The following ACKR2 variants were observed in gnomAD, a reference collection of about 807,000 sequenced individuals.
The protein encoded by ACKR2 is atypical chemokine receptor 2, also known as C-C chemokine receptor D6.
For synonymous variants in ACKR2, 207 were observed against 192.2 expected, an observed-to-expected ratio of 1.08 and a Z score of -0.64; for missense variants, 457 against 477.3, an observed-to-expected ratio of 0.96 and a Z score of 0.40.
chr3:42,865,485 C>T lies in ACKR2; in HGVS notation c.983C>T (p.Ala328Val). Residue 328 changes from alanine to valine, a missense_variant, in exon 3 of 3, where the codon GCT becomes GTT. Physicochemically the swap from Ala to Val is moderately conservative, Grantham distance 64 (BLOSUM62 0). Transcript: ENST00000422265. ...CGCCAGTACCTGAAGGCTTTCCTGG[C>T]TGCCGTGCTTGGATGGCACCTGGCA... ...RFRQYLKAFLAAVLGWHLAPG... is the reference protein window; with the variant it reads ...RFRQYLKAFLVAVLGWHLAPG... 1 of 1,614,196 alleles carries T rather than the reference C, an allele frequency of 6.2e-7. No homozygotes were observed. The highest frequency in any genetic ancestry group is 8.5e-7 in the Non-Finnish European group (1 of 1,180,040).
chr3:42,811,861 T>A (rs1365661666), intron 1 of ACKR2, among the ~76,000 whole-genome samples: 1 of 152,190 alleles, frequency 6.6e-6, no homozygotes, highest in Non-Finnish European at 1.5e-5. Context: ...AAATCTGGCC[T>A]ACGTGCACAT....
intron 1 of ACKR2, among the ~76,000 whole-genome samples, chr3:42,810,847 T>A (rs188703985): frequency 6.6e-6 from 1 of 152,340 alleles, no homozygotes; most frequent in East Asian, 1.9e-4. Flanking sequence ...GGGTGATTCC[T>A]AACACCGACT....
chr3:42,843,316 C>A (rs569610078), intron 2 of ACKR2, among the ~76,000 whole-genome samples: 41 of 152,142 alleles, frequency 2.7e-4, no homozygotes, highest in African/African-American at 8.9e-4. Context: ...AGTGATCTGC[C>A]CCCCCAGCCT....
chr3:42,828,174 A>G lies in ACKR2; in HGVS notation c.-38+8463A>G, dbSNP rs1308868811. ...ACCCAGGCTGGAGTGCAGTGGTGCA[A>G]TCTCTGCTCACTGCAATCTCTGCCT... On this transcript the variant is annotated intron_variant, in intron 2 of 2. Transcript: ENST00000422265. 2.7e-5 allele frequency among the ~76,000 whole-genome samples: 4 copies of G among 149,330 alleles called. No individual in the cohort carries two copies. In the East Asian group the frequency reaches 5.9e-4, roughly 22 times the overall value.
At chr3:42,832,852 C>T (rs1277349131) in intron 2 of ACKR2, among the ~76,000 whole-genome samples, 2 of 152,076 alleles carry the variant, frequency 1.3e-5, no homozygotes, top group Non-Finnish European at 2.9e-5. Flanking sequence ...TGCCACCACA[C>T]CTGGCTAATT....
intron 2 of ACKR2, among the ~76,000 whole-genome samples, chr3:42,829,657 A>T (rs141483167): frequency 2.0e-5 from 3 of 152,276 alleles, no homozygotes; most frequent in African/African-American, 7.2e-5. Flanking sequence ...TGGCCTAAAG[A>T]GGATTGGGGC....
At chr3:42,838,447 G>A (rs1262982824) in intron 2 of ACKR2, among the ~76,000 whole-genome samples, 2 of 152,132 alleles carry the variant, frequency 1.3e-5, no homozygotes, top group Admixed American at 6.6e-5. Flanking sequence ...ATGAAAATAC[G>A]TTCAATGTCA....
intron 2 of ACKR2, among the ~76,000 whole-genome samples, chr3:42,853,880 T>C (rs899857704): frequency 6.6e-6 from 1 of 152,236 alleles, no homozygotes; most frequent in African/African-American, 2.4e-5. Flanking sequence ...AACGGTGTCC[T>C]TGGCTTCATA....
intron 1 of ACKR2, among the ~76,000 whole-genome samples, chr3:42,819,105 A>G (rs1426135386): frequency 6.6e-6 from 1 of 152,112 alleles, no homozygotes; most frequent in African/African-American, 2.4e-5. Flanking sequence ...GAGATTAACA[A>G]CACAACCATC....
At chr3:42,844,750 A>T (rs1251433254) in intron 2 of ACKR2, among the ~76,000 whole-genome samples, 3 of 152,206 alleles carry the variant, frequency 2.0e-5, no homozygotes, top group Admixed American at 2.0e-4. Flanking sequence ...GCTATTTTCT[A>T]TTTTGAGACC....
intron 1 of ACKR2, among the ~76,000 whole-genome samples, chr3:42,813,746 G>T (rs988110578): frequency 3.9e-5 from 6 of 152,132 alleles, no homozygotes; most frequent in African/African-American, 1.4e-4. Flanking sequence ...ATTATTTTCT[G>T]CATCATGTGC....
intron 2 of ACKR2, among the ~76,000 whole-genome samples, chr3:42,845,661 T>C (rs2125615787): frequency 6.6e-6 from 1 of 152,074 alleles, no homozygotes; most frequent in East Asian, 1.9e-4. Context: ...CCTTAACCCC[T>C]AGGGAAACCC....
intron 2 of ACKR2, among the ~76,000 whole-genome samples, chr3:42,859,648 T>C (rs1480489642): frequency 5.9e-5 from 9 of 152,172 alleles, no homozygotes; most frequent in Non-Finnish European, 1.2e-4. Context: ...CCCAAAGTGC[T>C]GGGATCACAG....
chr3:42,848,001 G>C (rs1013471108), intron 2 of ACKR2, among the ~76,000 whole-genome samples: 1 of 151,982 alleles, frequency 6.6e-6, no homozygotes, highest in Admixed American at 6.6e-5. Context: ...TATGGCTGGG[G>C]GGTGACACTG....
intron 1 of ACKR2, among the ~76,000 whole-genome samples, chr3:42,818,073 CTCTG>C (rs1285268746): frequency 6.6e-6 from 1 of 152,096 alleles, no homozygotes; most frequent in Non-Finnish European, 1.5e-5. Flanking sequence ...CTTTTCTCTC[CTCTG>C]TCTGCCACAC....
At chr3:42,819,167 A>G (rs918900733) in intron 1 of ACKR2, among the ~76,000 whole-genome samples, 1 of 152,166 alleles carries the variant, frequency 6.6e-6, no homozygotes, top group African/African-American at 2.4e-5. Flanking sequence ...GTTATTAAAT[A>G]TGTCTTTTAG....
At chr3:42,834,454 A>G (rs1700965871) in intron 2 of ACKR2, 1 of 152,078 alleles carries the variant, frequency 6.6e-6, no homozygotes, top group South Asian at 2.1e-4. Context: ...GCCTCACTGC[A>G]TCCTTGACAT....
At chr3:42,825,577 A>ATG (rs113371609) in intron 2 of ACKR2, among the ~76,000 whole-genome samples, 66,418 of 148,570 alleles carry the variant, frequency 0.45, 15,106 homozygotes, top group East Asian at 0.74. Context: ...GTTAGCTCTG[A>ATG]TGTGTGTGTG....
At chr3:42,810,418 A>G (rs1053522087) in intron 1 of ACKR2, among the ~76,000 whole-genome samples, 4 of 150,386 alleles carry the variant, frequency 2.7e-5, no homozygotes, top group Admixed American at 2.0e-4. Flanking sequence ...CCCCCCCCCA[A>G]TTTTTCTCCT....
Sources: gnomAD v4.1 joint callset for allele counts (sites outside exome capture counted in the v4.1 genomes callset) on GRCh38, gnomAD v4.1.1 for gene constraint, MANE v1.5 for transcripts, NCBI Gene and HGNC (gene_info 2026-07-23, HGNC 2026-07-21) for gene names.